The following ZNF483 variants were observed in gnomAD, a reference collection of about 807,000 sequenced individuals.
The protein encoded by ZNF483 is zinc finger protein 483.
In ZNF483, 9 loss-of-function variants were observed where a neutral mutation model predicts 28.6. That is an observed-to-expected ratio of 0.32 (90% confidence interval 0.19 to 0.55). The LOEUF (loss-of-function observed/expected upper bound fraction) is 0.55, where lower values mean the gene tolerates loss of function less well. Among genes scored for constraint, ZNF483 ranks in the 20% least tolerant of loss-of-function variants. The pLI is 0.93. For missense variants in ZNF483, 675 were observed against 871.7 expected (o/e 0.77, Z 2.84); for synonymous variants, 322 against 306.2 (o/e 1.05, Z -0.54).
At chr9:111,577,533 T>C (rs1829111862) in exon 6 of ZNF483, 1 of 152,188 alleles carries the variant, frequency 6.6e-6, no homozygotes, top group South Asian at 2.1e-4. Flanking sequence ...TTATACTTCA[T>C]AGCCAGAAAG....
chr9:111,526,471 A>G (rs1333533719), intron 1 of ZNF483, among the ~76,000 whole-genome samples: 1 of 152,124 alleles, frequency 6.6e-6, no homozygotes, highest in East Asian at 1.9e-4. Flanking sequence ...TTTTTTGGCC[A>G]CAGTGTGAGA....
chr9:111,562,616 G>C (rs1828364835), intron 5 of ZNF483: 1 of 152,016 alleles, frequency 6.6e-6, no homozygotes, highest in African/African-American at 2.4e-5. Context: ...TTCAGTTCCG[G>C]GATAATTGTG....
Position 111,548,501 on chromosome 9 carries a change from GTTTC to G in ZNF483, c.*5334_*5337del, listed in dbSNP as rs2132272373. Among the ~76,000 whole-genome samples the G allele has an allele frequency of 6.6e-6, 1 of 152,296 alleles. No individual in the cohort carries two copies. Among genetic ancestry groups the G allele is most frequent in the East Asian group, 1.9e-4 (1 of 5,186 alleles). ...CTGAATTTGTTTATTAGTCATAATA[GTTTC>G]TTGTGAAATTTTTGGGATTTTTAAA... On this transcript the variant is annotated 3_prime_UTR_variant, in exon 6 of 6. Coordinates refer to ENST00000309235, the MANE Select transcript of ZNF483 (RefSeq NM_133464.5).
chr9:111,572,160 A>G lies in ZNF483; in HGVS notation c.722-4205A>G, dbSNP rs571119495. Among the ~76,000 whole-genome samples the G allele has an allele frequency of 1.3e-4, 20 of 152,352 alleles. 1 individual carries two copies. The South Asian group carries it at 3.9e-3, about 30-fold the overall frequency. The stretch of plus-strand genomic sequence containing the variant: ...CACTGATTACTTTGAGGAAAGTAAC[A>G]TTAGCAGTTGGAAATATGAAGCTTT... On this transcript the variant is annotated intron_variant, in intron 5 of 5. Transcript: ENST00000358151.
At chr9:111,568,310 G>C (rs1033666709) in intron 5 of ZNF483, among the ~76,000 whole-genome samples, 1 of 152,044 alleles carries the variant, frequency 6.6e-6, no homozygotes, top group Admixed American at 6.6e-5. Context: ...GGCTGCTCTG[G>C]GAGTGTCTGT....
rs777409378 is a variant in ZNF483, at chr9:111,544,722, A to G, written c.*1552A>G. Among the ~76,000 whole-genome samples, 3 of 152,170 alleles carry G rather than the reference A, an allele frequency of 2.0e-5. No individual in the cohort carries two copies. The highest frequency in any genetic ancestry group is 2.9e-5 in the Non-Finnish European group (2 of 68,024). ...TTTTCAGTTAAGTTTTCTTTTGTGA[A>G]ATTAGACCTCAGAGGAATGGAATAT... On this transcript the variant is annotated 3_prime_UTR_variant, in exon 6 of 6. Transcript: ENST00000309235.
rs1827966572 is a variant in ZNF483, at chr9:111,551,788, TC to T, written c.*8619del. On this transcript the variant is annotated 3_prime_UTR_variant, in exon 6 of 6. Coordinates refer to ENST00000309235, the MANE Select transcript of ZNF483 (RefSeq NM_133464.5). ...ATATCTAGGCAAAATTATATCACTT[TC>T]AAAACTTTTTAAGTAAATTCAGTAA... Among the ~76,000 whole-genome samples, 1 of 152,336 alleles carries T rather than the reference TC, an allele frequency of 6.6e-6. No homozygotes were observed. The highest frequency in any genetic ancestry group is 2.1e-4 in the South Asian group (1 of 4,828).
In ZNF483 at chr9:111,542,785, G is replaced by C. The variant is rs1183120349; in HGVS notation, c.1850G>C (p.Ser617Thr). Residue 617 changes from serine to threonine, a missense_variant, in exon 6 of 6, where the codon AGC (serine) becomes ACC (threonine). By Grantham distance (58) the Ser-to-Thr change is moderately conservative (BLOSUM62 1). This residue lies in a region of ZNF483 where 47 missense variants were observed against 93.5 expected (regional missense o/e 0.50). Transcript: ENST00000309235. The surrounding 1 kb of genome is among the most constrained non-coding windows in gnomAD (Gnocchi z 6.2). The part of the protein sequence containing the change: ...YLCNDCGMTF[S>T]HFTSVIYHQR... Reference sequence around the variant, plus strand: ...TGTAATGATTGCGGAATGACTTTTAGCCATTTTACGTCTGTGATTTATCAT... The same window carrying C: ...TGTAATGATTGCGGAATGACTTTTACCCATTTTACGTCTGTGATTTATCAT... 2.5e-6 allele frequency: 4 copies of C among 1,613,904 alleles called. No homozygotes were observed. The highest frequency in any genetic ancestry group is 3.4e-6 in the Non-Finnish European group (4 of 1,179,946).
Position 111,547,013 on chromosome 9 carries a change from GAATTT to G in ZNF483, c.*3848_*3852del, listed in dbSNP as rs1425036485. Among the ~76,000 whole-genome samples the G allele has an allele frequency of 6.6e-6, 1 of 152,130 alleles. No homozygotes were observed. Among genetic ancestry groups the G allele is most frequent in the Non-Finnish European group, 1.5e-5 (1 of 67,980 alleles). ...TTCGGCCGTGTTGTAGCACATATCA[GAATTT>G]AATTCCTTTTTAAGGCTGAATAATA... is the stretch of plus-strand genomic sequence containing the variant. On this transcript the variant is annotated 3_prime_UTR_variant, in exon 6 of 6. Coordinates refer to ENST00000309235, the MANE Select transcript of ZNF483 (RefSeq NM_133464.5).
chr9:111,548,688 A>G lies in ZNF483; in HGVS notation c.*5518A>G, dbSNP rs1250525110. Among the ~76,000 whole-genome samples, 1 of 152,180 alleles carries G rather than the reference A, an allele frequency of 6.6e-6. No homozygotes were observed. Among genetic ancestry groups the G allele is most frequent in the Non-Finnish European group, 1.5e-5 (1 of 68,024 alleles). ...CTTTTCCTGAAATGCTTTCTATTTT[A>G]TATCATTCCGTATGATGTTAGCTGT... On this transcript the variant is annotated 3_prime_UTR_variant, in exon 6 of 6. Coordinates refer to ENST00000309235, the MANE Select transcript of ZNF483 (RefSeq NM_133464.5).
At chr9:111,558,447 G>A (rs965922317), downstream of ZNF483, among the ~76,000 whole-genome samples, 1 of 152,148 alleles carries the variant, frequency 6.6e-6, no homozygotes, top group Non-Finnish European at 1.5e-5. Flanking sequence ...GGAGGTTGAG[G>A]TAAGAGGATC....
In ZNF483 at chr9:111,566,143, C is replaced by T. The variant is rs551908553; in HGVS notation, c.722-10222C>T. 3.3e-5 allele frequency among the ~76,000 whole-genome samples: 5 copies of T among 152,188 alleles called. No individual in the cohort carries two copies. The South Asian group carries it at 1.0e-3, about 32-fold the overall frequency. On this transcript the variant is annotated intron_variant, in intron 5 of 5. Coordinates refer to the ZNF483 transcript ENST00000358151. ...ACTCGAACCCAGGAAGTAGAGGTTG[C>T]AGTGAGCTGAGATCGCGCCACTGCA...
chr9:111,574,137 T>C (rs112962419), intron 5 of ZNF483: 34 of 152,330 alleles, frequency 2.2e-4, no homozygotes, highest in African/African-American at 7.7e-4. Flanking sequence ...ACCTGAATAT[T>C]TTACCAGCCA....
intron 2 of ZNF483, among the ~76,000 whole-genome samples, chr9:111,529,359 A>G (rs1827263793): frequency 6.6e-6 from 1 of 152,208 alleles, no homozygotes; most frequent in Admixed American, 6.5e-5. Context: ...GTTTTTATGT[A>G]TGTATTTTTT....
chr9:111,574,766 G>C (rs768404709), intron 5 of ZNF483: 19 of 1,613,816 alleles, frequency 1.2e-5, no homozygotes, highest in Non-Finnish European at 1.4e-5. Context: ...GTTATATGTA[G>C]AGATGGCTCC....
chr9:111,538,880 G>A (rs1019565152), intron 5 of ZNF483, among the ~76,000 whole-genome samples: 1 of 152,070 alleles, frequency 6.6e-6, no homozygotes, highest in Non-Finnish European at 1.5e-5. Flanking sequence ...GGGAAGCCGA[G>A]GCAGGTGGAT....
chr9:111,529,059 G>A (rs535481125), intron 2 of ZNF483, among the ~76,000 whole-genome samples: 57 of 151,896 alleles, frequency 3.8e-4, no homozygotes, highest in Middle Eastern at 3.4e-3. Flanking sequence ...CAGGAGAATC[G>A]CTTGAACCGG....
chr9:111,560,565 C>T (rs1364420555), intron 5 of ZNF483, among the ~76,000 whole-genome samples: 1 of 134,962 alleles, frequency 7.4e-6, no homozygotes, highest in Non-Finnish European at 1.5e-5. Flanking sequence ...TGCTTGAACC[C>T]GGGAGGCGGA....
intron 5 of ZNF483, among the ~76,000 whole-genome samples, chr9:111,566,842 T>C (rs1345597042): frequency 1.3e-5 from 2 of 152,126 alleles, no homozygotes; most frequent in African/African-American, 2.4e-5. Flanking sequence ...AATTATAGTA[T>C]ATATTATGTT....
Sources: allele counts gnomAD v4.1 joint callset (sites outside exome capture counted in the v4.1 genomes callset), GRCh38; gene constraint gnomAD v4.1.1; regional missense constraint gnomAD v4.1.1; non-coding constraint Gnocchi (gnomAD v3.1); transcripts MANE v1.5; gene names NCBI Gene and HGNC (gene_info 2026-07-23, HGNC 2026-07-21).